The following KALRN variants were observed in gnomAD, a reference collection of about 807,000 sequenced individuals.
The protein encoded by KALRN is kalirin RhoGEF kinase.
In KALRN, 70 loss-of-function variants were observed where a neutral mutation model predicts 353.7. That is an observed-to-expected ratio of 0.20 (90% CI 0.16 to 0.24). KALRN has a LOEUF of 0.24. KALRN is among the 10% of genes least tolerant of loss of function. The probability of loss-of-function intolerance (pLI) is 1.00; values close to 1 mark genes in which losing one functional copy is unlikely to be tolerated. For synonymous variants in KALRN, 1,391 were observed against 1,434.8 expected, an observed-to-expected ratio of 0.97 and a Z score of 0.69; for missense variants, 2,791 against 3,756.7, an observed-to-expected ratio of 0.74 and a Z score of 6.72.
chr3:124,043,750 G>C (rs925383251), intron 1 of KALRN, among the ~76,000 whole-genome samples: 1 of 152,156 alleles, frequency 6.6e-6, no homozygotes, highest in African/African-American at 2.4e-5. Context: ...GAGGCTGGGA[G>C]ATCTAAAGTT....
intron 34 of KALRN, among the ~76,000 whole-genome samples, chr3:124,630,823 G>T (rs981969014): frequency 3.3e-5 from 5 of 152,122 alleles, no homozygotes; most frequent in Admixed American, 6.5e-5. Context: ...AATATGCTGA[G>T]ATTTAAAAAA....
chr3:124,530,822 C>A (rs181404500), intron 33 of KALRN, among the ~76,000 whole-genome samples: 1 of 152,266 alleles, frequency 6.6e-6, no homozygotes, highest in East Asian at 1.9e-4. Flanking sequence ...TCCTGCCACT[C>A]TTTCAAAGTT....
chr3:124,274,400 G>A (rs563569712), intron 5 of KALRN, among the ~76,000 whole-genome samples: 7 of 152,312 alleles, frequency 4.6e-5, no homozygotes, highest in East Asian at 3.9e-4. Flanking sequence ...GAAGAGTTCC[G>A]GTGCATAACT....
chr3:124,326,067 A>C lies in KALRN; in HGVS notation c.1180A>C (p.Ile394Leu), dbSNP rs1003519497. The change falls in exon 7 of 60, where the codon ATC becomes CTC. Residue 394 changes from isoleucine (I) to leucine (L), a missense_variant. Transcript: ENST00000682506. The part of the protein sequence containing the change: ...GHYASQQIKQ[I>L]STQLDQEWKS... ...TTATGCCTCACAACAAATCAAGCAG[A>C]TCTCCACCCAGCTGGACCAGGAGTG... 1 of 1,613,868 alleles carries C rather than the reference A, an allele frequency of 6.2e-7. No individual in the cohort carries two copies. Among genetic ancestry groups the C allele is most frequent in the East Asian group, 2.2e-5 (1 of 44,872 alleles).
intron 11 of KALRN, among the ~76,000 whole-genome samples, chr3:124,390,072 G>A: frequency 6.6e-6 from 1 of 152,158 alleles, no homozygotes; most frequent in Non-Finnish European, 1.5e-5. Flanking sequence ...GGCCAAGAGG[G>A]CAGCCAGCTT....
intron 29 of KALRN, among the ~76,000 whole-genome samples, chr3:124,490,463 T>C (rs1367836374): frequency 6.6e-6 from 1 of 152,142 alleles, no homozygotes; most frequent in Non-Finnish European, 1.5e-5. Flanking sequence ...CTAATATTGG[T>C]TATGTATATA....
At chr3:124,584,459 A>G (rs1047900728) in intron 34 of KALRN, among the ~76,000 whole-genome samples, 40 of 152,184 alleles carry the variant, frequency 2.6e-4, no homozygotes, top group African/African-American at 9.6e-4. Context: ...GAAGTTGCAC[A>G]TAAGGAGTAC....
intron 58 of KALRN, among the ~76,000 whole-genome samples, chr3:124,716,225 T>C (rs540990901): frequency 6.6e-6 from 1 of 152,234 alleles, no homozygotes; most frequent in South Asian, 2.1e-4. Context: ...AGGCAAAGGA[T>C]TCAAAAAGGG....
chr3:124,113,746 C>A (rs144894590), intron 1 of KALRN, among the ~76,000 whole-genome samples: 81 of 152,342 alleles, frequency 5.3e-4, no homozygotes, highest in African/African-American at 1.8e-3. Flanking sequence ...GCCTGCGAGG[C>A]TCAAGGTACA....
intron 1 of KALRN, among the ~76,000 whole-genome samples, chr3:124,184,402 T>G (rs1162533643): frequency 2.0e-5 from 3 of 152,248 alleles, no homozygotes; most frequent in African/African-American, 7.2e-5. Flanking sequence ...GTCATTCCTT[T>G]GGGTTAAGCT....
chr3:124,685,536 C>T (rs2061518406), intron 51 of KALRN, among the ~76,000 whole-genome samples: 1 of 152,196 alleles, frequency 6.6e-6, no homozygotes, highest in South Asian at 2.1e-4. Flanking sequence ...AGGAAGTCTA[C>T]TCGTATGGCT....
At chr3:124,549,371 TCA>T (rs1303113449) in intron 33 of KALRN, among the ~76,000 whole-genome samples, 2 of 143,238 alleles carry the variant, frequency 1.4e-5, no homozygotes, top group African/African-American at 2.6e-5. Flanking sequence ...ACACATAATC[TCA>T]CACACACACA....
chr3:124,226,481 G>A (rs1268539378), intron 1 of KALRN, among the ~76,000 whole-genome samples: 1 of 152,172 alleles, frequency 6.6e-6, no homozygotes, highest in Non-Finnish European at 1.5e-5. Flanking sequence ...AAAGAGAAAC[G>A]ACTGATGAAT....
chr3:124,539,925 G>GT (rs139883391), intron 33 of KALRN, among the ~76,000 whole-genome samples: 11,641 of 140,116 alleles, frequency 0.083, 516 homozygotes, highest in Middle Eastern at 0.13. Flanking sequence ...TTTTTTTTGG[G>GT]GGGGGGGACA....
chr3:124,672,024 C>T (rs2086527269), intron 48 of KALRN, 126 bp downstream of exon 48: 3 of 742,674 alleles, frequency 4.0e-6, no homozygotes, highest in African/African-American at 1.8e-5. Flanking sequence ...TCTCAGCTCA[C>T]TGCAACCTCC....
At chr3:124,287,780 T>G (rs1219433234) in intron 5 of KALRN, among the ~76,000 whole-genome samples, 2 of 5,370 alleles carry the variant, frequency 3.7e-4, no homozygotes, top group Non-Finnish European at 5.4e-4. Context: ...GATATATATA[T>G]ATATATATAT....
chr3:124,262,783 A>G lies in KALRN; in HGVS notation c.264-1715A>G, dbSNP rs549106984. Among the ~76,000 whole-genome samples, 5 of 152,312 alleles carry G rather than the reference A, an allele frequency of 3.3e-5. No individual in the cohort carries two copies. The East Asian group carries it at 7.7e-4, about 24-fold the overall frequency. On this transcript the variant is annotated intron_variant, in intron 3 of 59. Coordinates refer to ENST00000682506, the MANE Select transcript of KALRN (RefSeq NM_001388419.1). ...GTTTTTATTTCTTTTTGTGACCTGA[A>G]TCCTTCTGTGGCCTTACTGCCAGCA...
chr3:124,655,559 A>G (rs1355421422), intron 38 of KALRN, 42 bp from the exon 39 acceptor site: 1 of 1,556,412 alleles, frequency 6.4e-7, no homozygotes, highest in East Asian at 2.2e-5. Context: ...TTTTGGCTTA[A>G]CAATGAAGAG....
At chr3:124,621,090 G>A (rs1424434097) in intron 34 of KALRN, among the ~76,000 whole-genome samples, 1 of 152,162 alleles carries the variant, frequency 6.6e-6, no homozygotes, top group Non-Finnish European at 1.5e-5. Context: ...CCTGTTGAGG[G>A]CCAATGTCCC....
Sources: gnomAD v4.1 joint callset for allele counts (sites outside exome capture counted in the v4.1 genomes callset) on GRCh38, gnomAD v4.1.1 for gene constraint, MANE v1.5 for transcripts, NCBI Gene and HGNC (gene_info 2026-07-23, HGNC 2026-07-21) for gene names.